TUSC3: variants seen among roughly 807,000 people sequenced by gnomAD.
TUSC3 encodes the protein dolichyl-diphosphooligosaccharide--protein glycosyltransferase subunit TUSC3.
TUSC3 carries 45 observed loss-of-function variants against 44.8 expected under a neutral mutation model. That is an observed-to-expected ratio of 1.00 (90% confidence interval 0.79 to 1.29). TUSC3 has a LOEUF of 1.29. TUSC3 is among the 50% of genes most tolerant of loss of function. The pLI is 0.00. For synonymous variants in TUSC3, 212 were observed against 152.9 expected, an observed-to-expected ratio of 1.39 and a Z score of -2.85; for missense variants, 519 against 437.9, an observed-to-expected ratio of 1.19 and a Z score of -1.65.
At chr8:15,819,524 A>G in the TUSC3 span, among the ~76,000 whole-genome samples, 20 of 152,162 alleles carry the variant, frequency 1.3e-4, no homozygotes, top group African/African-American at 4.8e-4. Flanking sequence ...AGTCATGTCT[A>G]CTAGACTGTC....
At chr8:15,484,783 T>C (rs1470750883) in intron 2 of TUSC3, among the ~76,000 whole-genome samples, 1 of 152,188 alleles carries the variant, frequency 6.6e-6, no homozygotes, top group Non-Finnish European at 1.5e-5. Flanking sequence ...ATGTGACAGT[T>C]CCATCACTTT....
intron 6 of TUSC3, among the ~76,000 whole-genome samples, chr8:15,705,392 A>G (rs1019506238): frequency 6.6e-6 from 1 of 152,106 alleles, no homozygotes; most frequent in Non-Finnish European, 1.5e-5. Context: ...TTTTTATGAA[A>G]CCATTTGTAG....
At position 15,733,006 on chromosome 8, in the gene TUSC3, G is replaced by C. The variant is rs1005377317; in HGVS notation, c.862+2277G>C. 2.6e-5 allele frequency among the ~76,000 whole-genome samples: 4 copies of C among 152,084 alleles called. No individual in the cohort carries two copies. In the East Asian group the frequency reaches 7.7e-4, roughly 29 times the overall value. On this transcript the variant is annotated intron_variant, in intron 7 of 10. Transcript: ENST00000503731. ...AAACTACTGTGAGGAGTACTTGTTTGGCTCTAGTTTGTCTCATAGACTGGA... is the reference window on the plus strand; with the variant it reads ...AAACTACTGTGAGGAGTACTTGTTTCGCTCTAGTTTGTCTCATAGACTGGA...
chr8:15,485,162 G>A (rs192632736), intron 2 of TUSC3, among the ~76,000 whole-genome samples: 16 of 152,162 alleles, frequency 1.1e-4, no homozygotes, highest in African/African-American at 3.6e-4. Context: ...TTTTGTCATA[G>A]CCATATTCCT....
chr8:15,595,613 C>G (rs1362067288), intron 1 of TUSC3, among the ~76,000 whole-genome samples: 1 of 152,116 alleles, frequency 6.6e-6, no homozygotes, highest in African/African-American at 2.4e-5. Flanking sequence ...AAATCAGTCG[C>G]TTTTGCTGTA....
chr8:15,483,649 A>ATTTTTTTTGTTTTTTTTTTTTTTT (rs1800694654), intron 2 of TUSC3, among the ~76,000 whole-genome samples: 1 of 66,166 alleles, frequency 1.5e-5, no homozygotes, highest in Non-Finnish European at 2.8e-5. Flanking sequence ...TAGCACTGTG[A>ATTTTTTTTGTTTTTTTTTTTTTTT]TTTTTTTTTT....
At chr8:15,751,455 C>G (rs924813668) in intron 9 of TUSC3, among the ~76,000 whole-genome samples, 1 of 152,012 alleles carries the variant, frequency 6.6e-6, no homozygotes, top group Non-Finnish European at 1.5e-5. Flanking sequence ...CCCTTTGGCT[C>G]CCACCTATAT....
chr8:15,554,751 C>G (rs1802179199), intron 1 of TUSC3, among the ~76,000 whole-genome samples: 1 of 150,372 alleles, frequency 6.7e-6, no homozygotes, highest in Non-Finnish European at 1.5e-5. Context: ...CACAGGCGCC[C>G]TCACCACGCC....
At chr8:15,631,573 C>T (rs1476665856) in intron 2 of TUSC3, among the ~76,000 whole-genome samples, 1 of 151,926 alleles carries the variant, frequency 6.6e-6, no homozygotes, top group African/African-American at 2.4e-5. Flanking sequence ...TAAAAGAAAT[C>T]AGTCAAATAT....
At chr8:15,780,931 G>C in the TUSC3 span, among the ~76,000 whole-genome samples, 1 of 152,222 alleles carries the variant, frequency 6.6e-6, no homozygotes, top group Non-Finnish European at 1.5e-5. Flanking sequence ...GAATAGAGAA[G>C]AGGCTAAAGA....
intron 9 of TUSC3, among the ~76,000 whole-genome samples, chr8:15,752,195 A>T (rs1262317824): frequency 2.6e-5 from 4 of 152,150 alleles, no homozygotes; most frequent in African/African-American, 9.6e-5. Context: ...GCTAAAATTC[A>T]ACACAGCATT....
intron 1 of TUSC3, among the ~76,000 whole-genome samples, chr8:15,549,977 A>G (rs546064192): frequency 3.6e-4 from 54 of 151,790 alleles, no homozygotes; most frequent in African/African-American, 1.3e-3. Flanking sequence ...GTCACCTTTA[A>G]GGGCTTACAA....
At chr8:15,495,934 C>T (rs1204452234) in intron 2 of TUSC3, among the ~76,000 whole-genome samples, 1 of 152,148 alleles carries the variant, frequency 6.6e-6, no homozygotes, top group Non-Finnish European at 1.5e-5. Context: ...TTGCAGGCCC[C>T]TACCTGACCC....
intron 8 of TUSC3, among the ~76,000 whole-genome samples, chr8:15,745,736 T>C (rs1393655675): frequency 6.6e-6 from 1 of 151,956 alleles, no homozygotes; most frequent in African/African-American, 2.4e-5. Flanking sequence ...TCTCCCATTC[T>C]GTAGGTTGTC....
chr8:15,701,174 T>G (rs1174194167), intron 6 of TUSC3, among the ~76,000 whole-genome samples: 3 of 152,118 alleles, frequency 2.0e-5, no homozygotes, highest in Admixed American at 1.3e-4. Flanking sequence ...AATGCCTATT[T>G]TAATAAGTGT....
intron 1 of TUSC3, among the ~76,000 whole-genome samples, chr8:15,583,169 G>A (rs1402581405): frequency 6.6e-6 from 1 of 152,174 alleles, no homozygotes; most frequent in East Asian, 1.9e-4. Flanking sequence ...AACAGGGTGA[G>A]ATTTTATGTC....
chr8:15,540,464 C>T lies in TUSC3; in HGVS notation c.34C>T (p.Gln12Ter). ...CCGGGGCGCTCCTTCACGCCGTAGGCAAGCGGGGCGGCGGCTGCGGTACCT... is the reference window on the plus strand; with the variant it reads ...CCGGGGCGCTCCTTCACGCCGTAGGTAAGCGGGGCGGCGGCTGCGGTACCT... ...GARGAPSRRR[Q>*]AGRRLRYLPT... is the part of the protein sequence containing the mutation. Residue 12 changes from glutamine (Q) to a stop codon, truncating the protein, a stop_gained, in exon 1 of 11, where the codon CAA (glutamine) becomes TAA (stop). Coordinates refer to ENST00000503731, the MANE Select transcript of TUSC3 (RefSeq NM_006765.4). LOFTEE classifies it high-confidence loss of function. 6.2e-7 allele frequency: 1 copy of T among 1,605,830 alleles called. No individual in the cohort carries two copies. Among genetic ancestry groups the T allele is most frequent in the Non-Finnish European group, 8.5e-7 (1 of 1,177,070 alleles).
At chr8:15,785,440 C>G in the TUSC3 span, among the ~76,000 whole-genome samples, 3 of 150,940 alleles carry the variant, frequency 2.0e-5, no homozygotes, top group Non-Finnish European at 4.4e-5. Context: ...TTATTGTGGA[C>G]ACTTTTTTCA....
chr8:15,615,161 C>T (rs1053906564), intron 1 of TUSC3, among the ~76,000 whole-genome samples: 6 of 152,172 alleles, frequency 3.9e-5, no homozygotes, highest in Admixed American at 1.3e-4. Context: ...CCTGTCCTCT[C>T]ATGTTTATTG....
Sources: allele counts gnomAD v4.1 joint callset (sites outside exome capture counted in the v4.1 genomes callset), GRCh38; gene constraint gnomAD v4.1.1; transcripts MANE v1.5; gene names NCBI Gene and HGNC (gene_info 2026-07-23, HGNC 2026-07-21).